Variants in ATP6V0A2 observed in about 807,000 individuals in gnomAD.
ATP6V0A2 encodes V-type proton ATPase 116 kDa subunit a 2.
A neutral mutation model predicts 104.4 loss-of-function variants in ATP6V0A2; 58 were observed. That is an observed-to-expected ratio of 0.56 (90% confidence interval 0.45 to 0.69). ATP6V0A2 has a LOEUF of 0.69. ATP6V0A2 is among the 30% of genes least tolerant of loss of function. ATP6V0A2 has a pLI of 0.00. For synonymous variants in ATP6V0A2, 376 were observed against 397.9 expected (o/e 0.95, Z 0.65); for missense variants, 938 against 1,062.9 (o/e 0.88, Z 1.63).
chr12:123,729,042 T>C (rs1356276223), intron 6 of ATP6V0A2, among the ~76,000 whole-genome samples: 2 of 152,234 alleles, frequency 1.3e-5, no homozygotes, highest in Non-Finnish European at 2.9e-5. Flanking sequence ...GTTACTCTTT[T>C]TTTTGTGTTT....
chr12:123,736,232 A>C (rs1214411037), intron 8 of ATP6V0A2, among the ~76,000 whole-genome samples: 1 of 120,138 alleles, frequency 8.3e-6, no homozygotes, highest in East Asian at 2.5e-4. Flanking sequence ...CTCTGTTGCC[A>C]GGCTGGAGTG....
intron 2 of ATP6V0A2, 73 bp from the exon 3 acceptor site, chr12:123,722,278 C>A: frequency 1.0e-6 from 1 of 997,850 alleles, no homozygotes; most frequent in Non-Finnish European, 1.6e-6. Context: ...AAACATTGGG[C>A]TTTAAAATGT....
rs571353700 is a variant in ATP6V0A2 at position 123,738,284 on chromosome 12, C to T, written c.1038+1013C>T. 1.2e-4 allele frequency among the ~76,000 whole-genome samples: 19 copies of T among 152,164 alleles called. 1 individual carries two copies. In the South Asian group the frequency reaches 3.7e-3, roughly 30 times the overall value. Reference sequence around the variant, plus strand: ...GGGCGGGGTGGCACATGCCTGTAATCCCAGCTACTTGGGAGGCTGAGGCAG... The same window carrying T: ...GGGCGGGGTGGCACATGCCTGTAATTCCAGCTACTTGGGAGGCTGAGGCAG... On this transcript the variant is annotated intron_variant, in intron 9 of 19. Coordinates refer to ENST00000330342, the MANE Select transcript of ATP6V0A2 (RefSeq NM_012463.4).
chr12:123,758,586 T>A lies in ATP6V0A2; in HGVS notation c.*554T>A, dbSNP rs1956785243. Reference sequence around the variant, plus strand: ...CGTAGGCTGGAGTGCAATGGCACGATCGTGTCTCATTGCAACTTCCGCCTC... The same window carrying A: ...CGTAGGCTGGAGTGCAATGGCACGAACGTGTCTCATTGCAACTTCCGCCTC... On this transcript the variant is annotated 3_prime_UTR_variant, in exon 20 of 20. Coordinates refer to ENST00000330342, the MANE Select transcript of ATP6V0A2 (RefSeq NM_012463.4). 1 of 151,926 alleles carries A rather than the reference T, an allele frequency of 6.6e-6. No individual in the cohort carries two copies. Among genetic ancestry groups the A allele is most frequent in the South Asian group, 2.1e-4 (1 of 4,808 alleles). The allele number at this position is 151,926 out of a possible 1,614,324, so 9.4% of individuals were successfully genotyped here. A position where few individuals can be genotyped will look rare whatever the true frequency, so the allele number is the denominator to read the frequency against.
intron 17 of ATP6V0A2, chr12:123,754,074 T>A (rs922803974): frequency 2.4e-6 from 1 of 408,766 alleles, no homozygotes; most frequent in Admixed American, 4.0e-5. Flanking sequence ...AGATGTTTCA[T>A]AATTACTGAG....
intron 17 of ATP6V0A2, 26 bp from the exon 18 acceptor site, chr12:123,754,394 A>G (rs753491326): frequency 2.7e-6 from 4 of 1,507,504 alleles, no homozygotes; most frequent in Non-Finnish European, 3.7e-6. Context: ...CATGACTCTT[A>G]ACATATGTTG....
At chr12:123,752,829 C>T (rs1956728212) in intron 17 of ATP6V0A2, among the ~76,000 whole-genome samples, 1 of 152,168 alleles carries the variant, frequency 6.6e-6, no homozygotes, top group African/African-American at 2.4e-5. Flanking sequence ...GTTTTGGGGT[C>T]TCCAATTCCA....
chr12:123,740,617 T>C (rs1433881009), intron 9 of ATP6V0A2, among the ~76,000 whole-genome samples: 1 of 152,224 alleles, frequency 6.6e-6, no homozygotes, highest in Non-Finnish European at 1.5e-5. Context: ...TAGTTTTTGG[T>C]ATTTGCTCTA....
Position 123,722,392 on chromosome 12 carries a change from C to A in ATP6V0A2, c.238C>A (p.Pro80Thr). The change falls in exon 3 of 20, where the codon CCT becomes ACT. Residue 80 changes from proline (P) to threonine (T), a missense_variant. Physicochemically the swap from Pro to Thr is conservative, Grantham distance 38. Transcript: ENST00000330342. ...QEINRADIPL[P>T]EGEASPPAPP... ...AATTAATAGAGCTGATATTCCCCTTCCTGAAGGAGAGGCCAGCCCTCCTGC... is the reference window on the plus strand; with the variant it reads ...AATTAATAGAGCTGATATTCCCCTTACTGAAGGAGAGGCCAGCCCTCCTGC... The A allele has an allele frequency of 6.2e-7, 1 of 1,612,920 alleles. No individual in the cohort carries two copies. Among genetic ancestry groups the A allele is most frequent in the Non-Finnish European group, 8.5e-7 (1 of 1,178,896 alleles).
rs1373791703 is a variant in ATP6V0A2, at chr12:123,748,762, AC to A, written c.1913del (p.Thr638LysfsTer46). On this transcript the variant is annotated frameshift_variant, in exon 15 of 20. Coordinates refer to ENST00000330342, the MANE Select transcript of ATP6V0A2 (RefSeq NM_012463.4). LOFTEE classifies it high-confidence loss of function. ...INMFLFPASK[T>X]SGLYTGQEYV... ...CATGTTTTTATTCCCAGCCAGTAAAACAAGTGGCCTTTACACAGGGCAGGTG... is the reference window on the plus strand; with the variant it reads ...CATGTTTTTATTCCCAGCCAGTAAAAAAGTGGCCTTTACACAGGGCAGGTG... 1 of 1,614,024 alleles carries A rather than the reference AC, an allele frequency of 6.2e-7. No individual in the cohort carries two copies. Among genetic ancestry groups the A allele is most frequent in the Non-Finnish European group, 8.5e-7 (1 of 1,180,034 alleles).
Position 123,751,112 on chromosome 12 carries a change from G to A in ATP6V0A2, c.1938G>A (p.Glu646=), listed in dbSNP as rs1249075329. ...TTTCTCACCTTCTGCACTAACAGGA[G>A]TATGTCCAGAGAGTGCTGCTGGTTG... is the stretch of plus-strand genomic sequence containing the variant. ...SKTSGLYTGQ[E]YVQRVLLVVT... The change falls in exon 16 of 20, where the codon GAG becomes GAA. Residue 646 remains glutamate, a splice_region_variant and synonymous_variant. Transcript: ENST00000330342. 2.5e-6 allele frequency: 4 copies of A among 1,614,152 alleles called. No homozygotes were observed. The South Asian group carries it at 4.4e-5, about 18-fold the overall frequency.
At chr12:123,717,313 TCAAAAA>T (rs1434645349) in intron 1 of ATP6V0A2, among the ~76,000 whole-genome samples, 1 of 49,996 alleles carries the variant, frequency 2.0e-5, no homozygotes, top group Non-Finnish European at 3.4e-5. Context: ...AAACTCTGTC[TCAAAAA>T]AAAAAAAAAA....
At chr12:123,713,272 A>G (rs1188139569) in intron 1 of ATP6V0A2, among the ~76,000 whole-genome samples, 1 of 151,910 alleles carries the variant, frequency 6.6e-6, no homozygotes, top group Non-Finnish European at 1.5e-5. Context: ...GCTGGATGTC[A>G]TCTGCTTGAG....
At chr12:123,714,491 G>C (rs1189638304) in intron 1 of ATP6V0A2, among the ~76,000 whole-genome samples, 4 of 152,182 alleles carry the variant, frequency 2.6e-5, no homozygotes, top group Non-Finnish European at 4.4e-5. Context: ...ACCTGGAAAA[G>C]AAAGGTCATT....
chr12:123,740,833 A>G (rs1254765351), intron 9 of ATP6V0A2, among the ~76,000 whole-genome samples: 1 of 151,904 alleles, frequency 6.6e-6, no homozygotes, highest in South Asian at 2.1e-4. Context: ...TGTTCCTTCT[A>G]GTTTTGTCTT....
rs149439834 is a variant in ATP6V0A2, at chr12:123,756,829, C to T, written c.2308C>T (p.Leu770=). Reference sequence around the variant, plus strand: ...CTCCTTTGCAGAGTTGTCTGATGTCCTGTGGGCCATGCTGATGCGCGTGGG... The same window carrying T: ...CTCCTTTGCAGAGTTGTCTGATGTCTTGTGGGCCATGCTGATGCGCGTGGG... ...SLAHAQLSDV[L]WAMLMRVGLR... Residue 770 remains leucine, a synonymous_variant, in exon 19 of 20, where the codon CTG becomes TTG. Transcript: ENST00000330342. The T allele has an allele frequency of 8.1e-5, 131 of 1,613,934 alleles. No homozygotes were observed. Among genetic ancestry groups the T allele is most frequent in the Non-Finnish European group, 9.4e-5 (111 of 1,180,054 alleles).
At position 123,716,769 on chromosome 12, in the gene ATP6V0A2, C is replaced by T. The variant is rs919437711; in HGVS notation, c.118-1854C>T. Reference sequence around the variant, plus strand: ...TTGCGCCACTGGACTTCAGCCTAGGCGACAGTGAGATCCTGTCTCAAAAAA... The same window carrying T: ...TTGCGCCACTGGACTTCAGCCTAGGTGACAGTGAGATCCTGTCTCAAAAAA... On this transcript the variant is annotated intron_variant, in intron 1 of 19. Transcript: ENST00000330342. 4.1e-5 allele frequency among the ~76,000 whole-genome samples: 6 copies of T among 147,088 alleles called. No homozygotes were observed. The East Asian group carries it at 5.9e-4, about 15-fold the overall frequency.
At chr12:123,716,178 T>C (rs747944223) in intron 1 of ATP6V0A2, among the ~76,000 whole-genome samples, 1 of 152,006 alleles carries the variant, frequency 6.6e-6, no homozygotes, top group African/African-American at 2.4e-5. Flanking sequence ...GTGATTCTCA[T>C]GCCTCAGCCT....
intron 13 of ATP6V0A2, among the ~76,000 whole-genome samples, chr12:123,745,407 G>C (rs1172495562): frequency 6.6e-6 from 1 of 152,118 alleles, no homozygotes; most frequent in Non-Finnish European, 1.5e-5. Context: ...TTTGGAATGG[G>C]AAAAGTGTTA....
Sources: gnomAD v4.1 joint callset for allele counts (sites outside exome capture counted in the v4.1 genomes callset) on GRCh38, gnomAD v4.1.1 for gene constraint, MANE v1.5 for transcripts, NCBI Gene and HGNC (gene_info 2026-07-23, HGNC 2026-07-21) for gene names.